CSNK1G1: variants seen among roughly 807,000 people sequenced by gnomAD.
CSNK1G1 encodes the protein casein kinase 1 gamma 1, also known as casein kinase I isoform gamma-1.
In CSNK1G1, 22 loss-of-function variants were observed where a neutral mutation model predicts 59.6. That is an observed-to-expected ratio of 0.37 (90% CI 0.26 to 0.53). The LOEUF (loss-of-function observed/expected upper bound fraction) is 0.53, where lower values mean the gene tolerates loss of function less well. Ranked by LOEUF, CSNK1G1 falls within the 20% of genes least tolerant of loss-of-function variation. The pLI, the probability that CSNK1G1 is intolerant of heterozygous loss-of-function variation, is 0.89. For missense variants in CSNK1G1, 384 were observed against 519.5 expected (o/e 0.74, Z 2.54); for synonymous variants, 179 against 177.1 (o/e 1.01, Z -0.08).
At chr15:64,253,229 C>A (rs556368142) in intron 3 of CSNK1G1, among the ~76,000 whole-genome samples, 1 of 152,160 alleles carries the variant, frequency 6.6e-6, no homozygotes, top group African/African-American at 2.4e-5. Flanking sequence ...CCTGTAGTCC[C>A]AGCTACTCAG....
At chr15:64,353,878 C>G (rs1312701599) in intron 1 of CSNK1G1, among the ~76,000 whole-genome samples, 1 of 152,098 alleles carries the variant, frequency 6.6e-6, no homozygotes, top group Non-Finnish European at 1.5e-5. Flanking sequence ...GGATTTATTT[C>G]TATATCGTAA....
At chr15:64,213,788 A>G in intron 6 of CSNK1G1, 102 bp downstream of exon 6, 1 of 825,274 alleles carries the variant, frequency 1.2e-6, no homozygotes, top group Non-Finnish European at 2.0e-6. Context: ...CTTGTGAAAC[A>G]ATAAAAACCA....
chr15:64,179,512 G>C (rs934093686), intron 11 of CSNK1G1, among the ~76,000 whole-genome samples: 1 of 152,228 alleles, frequency 6.6e-6, no homozygotes. Context: ...GGGCTCACAA[G>C]AAAGGTCCTC....
Position 64,166,980 on chromosome 15 carries a change from C to G in CSNK1G1, c.*4951G>C, listed in dbSNP as rs906807886. 2 of 152,232 alleles carry G rather than the reference C, an allele frequency of 1.3e-5. No homozygotes were observed. Among genetic ancestry groups the G allele is most frequent in the Non-Finnish European group, 2.9e-5 (2 of 68,028 alleles). 9.4% of individuals were successfully genotyped at this position (152,232 alleles called of 1,614,324 possible). ...AGGTTTGGTAATCAAACTAGAAATA[C>G]AAGGAATACGTGTTCACTTTTTCCC... On this transcript the variant is annotated 3_prime_UTR_variant, in exon 12 of 12. Coordinates refer to ENST00000303052, the MANE Select transcript of CSNK1G1 (RefSeq NM_022048.5). This position sits in a 1 kb window ranked among gnomAD's most constrained non-coding sequence, Gnocchi z 4.5.
At chr15:64,237,299 A>G (rs1345357599) in intron 4 of CSNK1G1, among the ~76,000 whole-genome samples, 2 of 152,184 alleles carry the variant, frequency 1.3e-5, no homozygotes, top group African/African-American at 4.8e-5. Flanking sequence ...AGACAAAATA[A>G]CTTTTCCCTG....
At chr15:64,308,759 T>C (rs1237498078) in intron 1 of CSNK1G1, among the ~76,000 whole-genome samples, 1 of 151,960 alleles carries the variant, frequency 6.6e-6, no homozygotes, top group Non-Finnish European at 1.5e-5. Context: ...TAGCCGGTCG[T>C]GGTGACAGGC....
intron 2 of CSNK1G1, among the ~76,000 whole-genome samples, chr15:64,289,763 A>T (rs1894635117): frequency 6.6e-6 from 1 of 152,160 alleles, no homozygotes; most frequent in Non-Finnish European, 1.5e-5. Context: ...TTAAACAAAC[A>T]ATAACAAAAA....
chr15:64,206,537 G>T (rs546140951), intron 7 of CSNK1G1, among the ~76,000 whole-genome samples: 1 of 149,460 alleles, frequency 6.7e-6, no homozygotes, highest in Non-Finnish European at 1.5e-5. Flanking sequence ...AACCTGGGAG[G>T]TGGAGGTTGC....
chr15:64,241,620 G>T (rs1372568351), intron 4 of CSNK1G1, among the ~76,000 whole-genome samples: 1 of 151,928 alleles, frequency 6.6e-6, no homozygotes, highest in African/African-American at 2.4e-5. Context: ...CTGACCATAA[G>T]GAAATAAAAC....
chr15:64,321,619 A>G (rs1171078022), intron 1 of CSNK1G1, among the ~76,000 whole-genome samples: 1 of 152,204 alleles, frequency 6.6e-6, no homozygotes, highest in Non-Finnish European at 1.5e-5. Flanking sequence ...GCCATAATAT[A>G]TCATGCACAA....
At chr15:64,274,600 A>T (rs560790872) in intron 2 of CSNK1G1, among the ~76,000 whole-genome samples, 2 of 152,298 alleles carry the variant, frequency 1.3e-5, no homozygotes, top group African/African-American at 4.8e-5. Flanking sequence ...ATAGAAAAGG[A>T]ACTGCATTAC....
intron 11 of CSNK1G1, among the ~76,000 whole-genome samples, chr15:64,172,228 G>A (rs1596042539): frequency 6.6e-6 from 1 of 152,200 alleles, no homozygotes; most frequent in African/African-American, 2.4e-5. Context: ...GTGCAGGCTA[G>A]GCAGGGCTGA....
intron 2 of CSNK1G1, among the ~76,000 whole-genome samples, chr15:64,296,937 C>CTTTTTTTTTTT (rs960068624): frequency 3.3e-4 from 30 of 89,670 alleles, no homozygotes; most frequent in African/African-American, 8.8e-4. Context: ...ACTATCGTTA[C>CTTTTTTTTTTT]TTTTTTTTTT....
At chr15:64,272,716 T>A (rs1011575960) in intron 2 of CSNK1G1, among the ~76,000 whole-genome samples, 2 of 152,022 alleles carry the variant, frequency 1.3e-5, no homozygotes, top group Non-Finnish European at 2.9e-5. Context: ...CTTTCTATAT[T>A]TATTGCTCCT....
chr15:64,222,437 C>CAAAAAAAAA (rs1170075981), intron 4 of CSNK1G1, among the ~76,000 whole-genome samples: 18 of 68,882 alleles, frequency 2.6e-4, no homozygotes, highest in East Asian at 3.8e-4. Context: ...ACAACACCAC[C>CAAAAAAAAA]AAAAAAAAAA....
chr15:64,286,178 G>A (rs1410823172), intron 2 of CSNK1G1, among the ~76,000 whole-genome samples: 2 of 152,132 alleles, frequency 1.3e-5, no homozygotes, highest in East Asian at 3.9e-4. Context: ...AGCCTTAAAG[G>A]TTCAACTCAG....
At position 64,313,606 on chromosome 15, in the gene CSNK1G1, G is replaced by A. The variant is rs576817738; in HGVS notation, c.-224-12883C>T. Among the ~76,000 whole-genome samples, 10 of 151,916 alleles carry A rather than the reference G, an allele frequency of 6.6e-5. No homozygotes were observed. The East Asian group carries it at 1.7e-3, about 26-fold the overall frequency. ...CACACACTGGGGCCTGTTGGGGGGTGTGGGGCTAGGGTAGGGATAGCATTA... is the reference window on the plus strand; with the variant it reads ...CACACACTGGGGCCTGTTGGGGGGTATGGGGCTAGGGTAGGGATAGCATTA... On this transcript the variant is annotated intron_variant, in intron 1 of 11. Transcript: ENST00000303052.
chr15:64,181,229 C>T, intron 10 of CSNK1G1: 1 of 1,535,580 alleles, frequency 6.5e-7, no homozygotes, highest in Non-Finnish European at 8.7e-7. Context: ...CCAGTTCTCA[C>T]TGATGGTCCC....
chr15:64,215,612 A>G (rs2082302462), intron 5 of CSNK1G1, among the ~76,000 whole-genome samples: 1 of 152,206 alleles, frequency 6.6e-6, no homozygotes. Flanking sequence ...TTTTTATAGG[A>G]CAGTGGGAGA....
Sources: gnomAD v4.1 joint callset for allele counts (sites outside exome capture counted in the v4.1 genomes callset) on GRCh38, gnomAD v4.1.1 for gene constraint, Gnocchi (gnomAD v3.1) non-coding constraint, MANE v1.5 for transcripts, NCBI Gene and HGNC (gene_info 2026-07-23, HGNC 2026-07-21) for gene names.